DDX19A: variants seen among roughly 807,000 people sequenced by gnomAD.
DDX19A encodes the protein DEAD-box helicase 19A.
A neutral mutation model predicts 60.6 loss-of-function variants in DDX19A; 12 were observed. The observed-to-expected ratio is 0.20, with a 90% CI of 0.13 to 0.32. DDX19A has a LOEUF of 0.32. Ranked by LOEUF, DDX19A falls within the 10% of genes least tolerant of loss-of-function variation. DDX19A has a pLI of 1.00. For missense variants in DDX19A, 337 were observed against 600.6 expected, an observed-to-expected ratio of 0.56 and a Z score of 4.59; for synonymous variants, 206 against 218.2, an observed-to-expected ratio of 0.94 and a Z score of 0.49.
At chr16:70,360,836 T>TAAAAA in intron 4 of DDX19A, 2 of 155,164 alleles carry the variant, frequency 1.3e-5, no homozygotes, top group Non-Finnish European at 2.8e-5. Flanking sequence ...ACTGCAGCCT[T>TAAAAA]GACCTCCTGA....
chr16:70,361,638 C>A, intron 5 of DDX19A, 128 bp downstream of exon 5: 1 of 663,784 alleles, frequency 1.5e-6, no homozygotes, highest in Non-Finnish European at 2.6e-6. Context: ...ACAGCTTAGG[C>A]AAGTGCAGAG....
At chr16:70,363,256 G>C (rs1332323437) in intron 5 of DDX19A, 1 of 151,992 alleles carries the variant, frequency 6.6e-6, no homozygotes, top group East Asian at 2.0e-4. Context: ...CCAGGTTCAA[G>C]TGATTCTCCT....
intron 4 of DDX19A, among the ~76,000 whole-genome samples, chr16:70,357,366 G>GTTTTTT (rs71151183): frequency 0.013 from 567 of 44,598 alleles, 208 homozygotes; most frequent in Non-Finnish European, 0.017. Context: ...TTTTTGGTTT[G>GTTTTTT]TTTTTTTTTT....
intron 1 of DDX19A, 44 bp from the exon 2 acceptor site, chr16:70,350,513 A>T: frequency 6.7e-7 from 1 of 1,498,608 alleles, no homozygotes; most frequent in Non-Finnish European, 9.1e-7. Context: ...CCTTCCTTTT[A>T]TTGGGTCCTT....
chr16:70,350,095 A>C (rs771673731), intron 1 of DDX19A, among the ~76,000 whole-genome samples: 22 of 152,246 alleles, frequency 1.4e-4, no homozygotes, highest in South Asian at 6.2e-4. Context: ...CAGGAGTTCG[A>C]GTTTGAGTTC....
intron 4 of DDX19A, chr16:70,356,952 A>C (rs1055759594): frequency 4.5e-6 from 3 of 661,006 alleles, no homozygotes; most frequent in South Asian, 2.6e-5. Context: ...TTTTTTTACA[A>C]AAAAAAAAAA....
intron 1 of DDX19A, 109 bp downstream of exon 1, chr16:70,347,157 T>TGCCTA: frequency 9.2e-7 from 1 of 1,083,674 alleles, no homozygotes; most frequent in Middle Eastern, 2.0e-4. Flanking sequence ...AACGCGCTCC[T>TGCCTA]GCAGTTTGCT....
intron 2 of DDX19A, among the ~76,000 whole-genome samples, chr16:70,351,086 G>C (rs1429888607): frequency 6.6e-6 from 1 of 150,884 alleles, no homozygotes. Flanking sequence ...GTTTCGCCGT[G>C]TTAGCCAGGA....
chr16:70,370,142 G>A (rs995884178), intron 9 of DDX19A, 81 bp from the exon 10 acceptor site: 33 of 1,497,742 alleles, frequency 2.2e-5, no homozygotes, highest in Non-Finnish European at 2.9e-5. Flanking sequence ...AGATCACCCT[G>A]AGTGACAGCA....
chr16:70,357,676 G>A (rs2151635254), intron 4 of DDX19A, among the ~76,000 whole-genome samples: 1 of 151,968 alleles, frequency 6.6e-6, no homozygotes, highest in Admixed American at 6.6e-5. Flanking sequence ...GACCCACTGT[G>A]CCCGGCCTTA....
Position 70,350,574 on chromosome 16 carries a change from C to G in DDX19A, c.75C>G (p.Ile25Met). The G allele has an allele frequency of 6.2e-7, 1 of 1,612,168 alleles. No individual in the cohort carries two copies. The highest frequency in any genetic ancestry group is 8.5e-7 in the Non-Finnish European group (1 of 1,179,190). ...AAVKSMTNLQ[I>M]KEEKVKADTN... ...CTATTCAGATGACCAATTTGCAGAT[C>G]AAGGAAGAGAAAGTCAAAGCAGATA... Residue 25 changes from isoleucine to methionine, a missense_variant, in exon 2 of 12, where the codon ATC (isoleucine) becomes ATG (methionine). This residue lies in a region of DDX19A where 127 missense variants were observed against 160.3 expected (regional missense o/e 0.79). Transcript: ENST00000302243.
In DDX19A at chr16:70,370,387, T is replaced by G; in HGVS notation, c.1183+2T>G. ...TGACCACCAACGTGTGTGCCCGCGG[T>G]GAGCAGAGGACGTGTCCCACCTGGT... On this transcript the variant is annotated splice_donor_variant, in intron 10 of 11. Coordinates refer to ENST00000302243, the MANE Select transcript of DDX19A (RefSeq NM_018332.5). LOFTEE classifies it high-confidence loss of function. 1 of 1,610,842 alleles carries G rather than the reference T, an allele frequency of 6.2e-7. No individual in the cohort carries two copies. Among genetic ancestry groups the G allele is most frequent in the Non-Finnish European group, 8.5e-7 (1 of 1,178,846 alleles).
chr16:70,368,358 C>T (rs1342819698), intron 9 of DDX19A, among the ~76,000 whole-genome samples: 6 of 151,828 alleles, frequency 4.0e-5, no homozygotes, highest in East Asian at 1.9e-4. Flanking sequence ...CTGCAACCTC[C>T]GCCTCCTGGG....
At chr16:70,350,125 C>G (rs1963967251) in intron 1 of DDX19A, among the ~76,000 whole-genome samples, 1 of 152,132 alleles carries the variant, frequency 6.6e-6, no homozygotes, top group South Asian at 2.1e-4. Flanking sequence ...TGGTGGTCCA[C>G]ACCTGTGTTC....
At chr16:70,369,008 C>T (rs1406853292) in intron 9 of DDX19A, among the ~76,000 whole-genome samples, 2 of 150,688 alleles carry the variant, frequency 1.3e-5, no homozygotes, top group African/African-American at 2.5e-5. Flanking sequence ...GCTGGGATTA[C>T]AGGCATGTGC....
intron 9 of DDX19A, among the ~76,000 whole-genome samples, chr16:70,369,109 C>T (rs554232026): frequency 2.6e-4 from 39 of 151,856 alleles, no homozygotes; most frequent in Middle Eastern, 6.9e-3. Flanking sequence ...TCAGGTGATC[C>T]GCCCGCCTCG....
intron 2 of DDX19A, among the ~76,000 whole-genome samples, chr16:70,354,399 A>T (rs1047898885): frequency 3.3e-5 from 5 of 152,144 alleles, no homozygotes; most frequent in African/African-American, 1.2e-4. Flanking sequence ...CACCCGCCTC[A>T]GCCTCCCAAA....
intron 2 of DDX19A, among the ~76,000 whole-genome samples, chr16:70,353,697 T>C (rs528393353): frequency 4.7e-4 from 71 of 151,266 alleles, no homozygotes; most frequent in African/African-American, 1.6e-3. Context: ...GGTCGGGAGT[T>C]TGAGACCAGC....
intron 4 of DDX19A, chr16:70,356,785 T>G (rs545525404): frequency 1.1e-6 from 1 of 937,042 alleles, no homozygotes; most frequent in South Asian, 1.5e-5. Context: ...TTGGTAGGAA[T>G]TTTTTAATGC....
Sources: allele counts gnomAD v4.1 joint callset (sites outside exome capture counted in the v4.1 genomes callset), GRCh38; gene constraint gnomAD v4.1.1; regional missense constraint gnomAD v4.1.1; transcripts MANE v1.5; gene names NCBI Gene and HGNC (gene_info 2026-07-23, HGNC 2026-07-21).